The following KCNH1 variants were observed in gnomAD, a reference collection of about 807,000 sequenced individuals.
KCNH1 encodes the protein voltage-gated delayed rectifier potassium channel KCNH1.
Under a neutral mutation model 69.2 loss-of-function variants are expected in KCNH1, and 27 were observed. That is an observed-to-expected ratio of 0.39 (90% CI 0.29 to 0.54). KCNH1 has a LOEUF of 0.54. KCNH1 is among the 20% of genes least tolerant of loss of function. The pLI, the probability that KCNH1 is intolerant of heterozygous loss-of-function variation, is 0.68. For synonymous variants in KCNH1, 456 were observed against 487.7 expected, an observed-to-expected ratio of 0.93 and a Z score of 0.86; for missense variants, 798 against 1,261.6, an observed-to-expected ratio of 0.63 and a Z score of 5.57.
At position 210,756,285 on chromosome 1, in the gene KCNH1, T is replaced by A. The variant is rs73069512; in HGVS notation, c.2112+19063A>T. Among the ~76,000 whole-genome samples, 805 of 152,318 alleles carry A rather than the reference T, an allele frequency of 5.3e-3. 5 individuals are homozygous for A. The highest frequency in any genetic ancestry group is 0.018 in the African/African-American group (763 of 41,560). On this transcript the variant is annotated intron_variant, in intron 10 of 10. Transcript: ENST00000271751. Reference sequence around the variant, plus strand: ...TGACAGAGTTAGGATGCAGTATCACTTTACCAATAGGGGGTGTCCAGTGTA... The same window carrying A: ...TGACAGAGTTAGGATGCAGTATCACATTACCAATAGGGGGTGTCCAGTGTA...
intron 7 of KCNH1, among the ~76,000 whole-genome samples, chr1:210,911,751 G>A (rs1687236599): frequency 6.6e-6 from 1 of 151,990 alleles, no homozygotes; most frequent in Non-Finnish European, 1.5e-5. Flanking sequence ...TCTAAAACTT[G>A]TTGTAAATTC....
At chr1:210,713,328 T>C (rs1440307821) in intron 10 of KCNH1, among the ~76,000 whole-genome samples, 5 of 152,176 alleles carry the variant, frequency 3.3e-5, no homozygotes, top group African/African-American at 9.7e-5. Flanking sequence ...CAGACACAGA[T>C]TGGGAGTACC....
At chr1:211,000,228 G>T (rs1689146693) in intron 6 of KCNH1, among the ~76,000 whole-genome samples, 2 of 152,190 alleles carry the variant, frequency 1.3e-5, no homozygotes, top group African/African-American at 4.8e-5. Context: ...AATTGTCCCT[G>T]TTTGCAGATG....
chr1:210,775,116 G>A (rs1035273419), intron 10 of KCNH1, among the ~76,000 whole-genome samples: 2 of 152,056 alleles, frequency 1.3e-5, no homozygotes, highest in African/African-American at 4.8e-5. Context: ...CCCCCTCCAA[G>A]CACATAAATA....
chr1:211,044,847 T>G (rs759672715), intron 5 of KCNH1, among the ~76,000 whole-genome samples: 8 of 151,648 alleles, frequency 5.3e-5, no homozygotes, highest in Admixed American at 1.3e-4. Flanking sequence ...AGTGTGGAGA[T>G]TCCTTAAAGA....
At chr1:210,833,389 C>A (rs35223020) in intron 7 of KCNH1, among the ~76,000 whole-genome samples, 13,869 of 151,906 alleles carry the variant, frequency 0.091, 666 homozygotes, top group Non-Finnish European at 0.11. Context: ...ACATATCTAC[C>A]ACTATCTGAT....
intron 5 of KCNH1, among the ~76,000 whole-genome samples, chr1:211,061,706 G>C (rs147290594): frequency 6.6e-6 from 1 of 152,064 alleles, no homozygotes; most frequent in East Asian, 1.9e-4. Flanking sequence ...TCAAGAAAGC[G>C]ATTCCATTTG....
At chr1:211,068,673 C>T (rs777693126) in intron 5 of KCNH1, among the ~76,000 whole-genome samples, 6 of 152,250 alleles carry the variant, frequency 3.9e-5, no homozygotes, top group Middle Eastern at 6.8e-3. Flanking sequence ...GGATTACAGG[C>T]GTGAGCCACT....
intron 6 of KCNH1, among the ~76,000 whole-genome samples, chr1:210,980,205 T>G (rs1281108531): frequency 2.0e-5 from 3 of 152,200 alleles, no homozygotes; most frequent in Admixed American, 6.5e-5. Flanking sequence ...AATTGGAAAC[T>G]AGACAAGGTA....
chr1:211,046,650 G>A (rs554843732), intron 5 of KCNH1, among the ~76,000 whole-genome samples: 1 of 152,280 alleles, frequency 6.6e-6, no homozygotes, highest in South Asian at 2.1e-4. Flanking sequence ...CCTTTGCCAA[G>A]TTTAACTCCA....
At chr1:210,899,347 T>C (rs571399998) in intron 7 of KCNH1, among the ~76,000 whole-genome samples, 1 of 152,236 alleles carries the variant, frequency 6.6e-6, no homozygotes, top group African/African-American at 2.4e-5. Context: ...AGAACAGCAC[T>C]CTTGACACAA....
chr1:210,836,593 C>T (rs188832924), intron 7 of KCNH1, among the ~76,000 whole-genome samples: 22 of 152,304 alleles, frequency 1.4e-4, no homozygotes, highest in Admixed American at 1.4e-3. Context: ...TAAACAGAGA[C>T]TATCCCCATC....
chr1:210,912,868 G>T (rs775428518), intron 7 of KCNH1, among the ~76,000 whole-genome samples: 9 of 152,162 alleles, frequency 5.9e-5, no homozygotes, highest in Non-Finnish European at 1.3e-4. Context: ...TGACCCACAG[G>T]TCCCACCCTC....
chr1:210,757,685 C>T (rs71638186), intron 10 of KCNH1, among the ~76,000 whole-genome samples: 215 of 152,366 alleles, frequency 1.4e-3, no homozygotes, highest in Admixed American at 2.7e-3. Flanking sequence ...GACTTTTATG[C>T]TACCTCAGTG....
rs577496840 is a variant in KCNH1, at chr1:210,888,578, C to T, written c.1462+31062G>A. On this transcript the variant is annotated intron_variant, in intron 7 of 10. Coordinates refer to ENST00000271751, the MANE Select transcript of KCNH1 (RefSeq NM_172362.3). ...AAGATGCGAGCAGAACTGAAGGAGACGGAGACATAAAAAACCCTTCAAAAA... is the reference window on the plus strand; with the variant it reads ...AAGATGCGAGCAGAACTGAAGGAGATGGAGACATAAAAAACCCTTCAAAAA... 5.3e-5 allele frequency among the ~76,000 whole-genome samples: 8 copies of T among 151,936 alleles called. No homozygotes were observed. The East Asian group carries it at 9.7e-4, about 18-fold the overall frequency.
intron 6 of KCNH1, among the ~76,000 whole-genome samples, chr1:211,003,717 G>C (rs777370497): frequency 6.6e-6 from 1 of 152,112 alleles, no homozygotes; most frequent in African/African-American, 2.4e-5. Flanking sequence ...GAATTCCTAC[G>C]ATGGACAACA....
At chr1:210,978,179 C>A (rs1348521944) in intron 6 of KCNH1, among the ~76,000 whole-genome samples, 1 of 151,882 alleles carries the variant, frequency 6.6e-6, no homozygotes, top group Non-Finnish European at 1.5e-5. Flanking sequence ...GCTGGGACTA[C>A]AGGCACCCAC....
At chr1:210,781,251 G>A (rs1186312511) in intron 9 of KCNH1, among the ~76,000 whole-genome samples, 1 of 152,174 alleles carries the variant, frequency 6.6e-6, no homozygotes, top group Non-Finnish European at 1.5e-5. Context: ...ACATCAGCTT[G>A]TTGAGTGAGT....
At chr1:210,774,106 G>C (rs1683806631) in intron 10 of KCNH1, among the ~76,000 whole-genome samples, 1 of 152,124 alleles carries the variant, frequency 6.6e-6, no homozygotes. Context: ...GGGCTCAGGG[G>C]TTAAGTTTGG....
Sources: gnomAD v4.1 joint callset for allele counts (sites outside exome capture counted in the v4.1 genomes callset) on GRCh38, gnomAD v4.1.1 for gene constraint, MANE v1.5 for transcripts, NCBI Gene and HGNC (gene_info 2026-07-23, HGNC 2026-07-21) for gene names.